Variants in NUBPL observed in about 807,000 individuals in gnomAD.
NUBPL encodes the protein iron-sulfur cluster transfer protein NUBPL.
In NUBPL, 31 loss-of-function variants were observed where a neutral mutation model predicts 45.7. That is an observed-to-expected ratio of 0.68 (90% CI 0.51 to 0.92). The LOEUF (loss-of-function observed/expected upper bound fraction) is 0.92. Among genes scored for constraint, NUBPL ranks in the 40% least tolerant of loss-of-function variants. The probability of loss-of-function intolerance (pLI) is 0.00; values close to 1 mark genes in which losing one functional copy is unlikely to be tolerated. For missense variants in NUBPL, 401 were observed against 398.7 expected, an observed-to-expected ratio of 1.01 and a Z score of -0.05; for synonymous variants, 144 against 140.9, an observed-to-expected ratio of 1.02 and a Z score of -0.15.
chr14:31,815,104 T>C (rs1285777020), intron 7 of NUBPL, among the ~76,000 whole-genome samples: 4 of 152,230 alleles, frequency 2.6e-5, no homozygotes, highest in Non-Finnish European at 5.9e-5. Flanking sequence ...GGGGATAGCA[T>C]TGAATATATA....
chr14:31,724,961 C>CA (rs1312803267), intron 6 of NUBPL, among the ~76,000 whole-genome samples: 3 of 150,842 alleles, frequency 2.0e-5, no homozygotes, highest in Non-Finnish European at 4.4e-5. Context: ...GAAGAACATA[C>CA]AAAATGAAGG....
At chr14:31,561,981 G>A in intron 1 of NUBPL, 87 bp from the exon 2 acceptor site, 1 of 1,369,890 alleles carries the variant, frequency 7.3e-7, no homozygotes. Flanking sequence ...CCTCTTAATT[G>A]CAAACCCCAG....
At chr14:31,825,680 CTT>C (rs1377380050) in intron 7 of NUBPL, among the ~76,000 whole-genome samples, 2 of 132,644 alleles carry the variant, frequency 1.5e-5, no homozygotes, top group East Asian at 2.1e-4. Context: ...CTTTTTTTCT[CTT>C]TCTTTTGTTC....
At chr14:31,582,817 A>G (rs1394243018) in intron 3 of NUBPL, among the ~76,000 whole-genome samples, 1 of 152,230 alleles carries the variant, frequency 6.6e-6, no homozygotes, top group Non-Finnish European at 1.5e-5. Flanking sequence ...TAGAGAAAAA[A>G]GGATTTGGTT....
At chr14:31,824,460 G>A (rs1161077885) in intron 7 of NUBPL, among the ~76,000 whole-genome samples, 2 of 152,040 alleles carry the variant, frequency 1.3e-5, no homozygotes, top group Non-Finnish European at 2.9e-5. Flanking sequence ...AGCTCATATT[G>A]TATAGTTTAA....
intron 6 of NUBPL, among the ~76,000 whole-genome samples, chr14:31,713,016 G>A (rs66761503): frequency 0.031 from 4,772 of 152,282 alleles, 111 homozygotes; most frequent in Non-Finnish European, 0.048. Flanking sequence ...TGAAGGGTCT[G>A]CCATCTCATT....
intron 6 of NUBPL, among the ~76,000 whole-genome samples, chr14:31,781,743 A>C (rs1444523944): frequency 6.6e-6 from 1 of 152,034 alleles, no homozygotes; most frequent in Non-Finnish European, 1.5e-5. Flanking sequence ...TTCACACCCC[A>C]AGTTTCTTTC....
intron 6 of NUBPL, among the ~76,000 whole-genome samples, chr14:31,757,336 T>C (rs2038691108): frequency 6.6e-6 from 1 of 151,388 alleles, no homozygotes; most frequent in Non-Finnish European, 1.5e-5. Context: ...GGTCCTGGAC[T>C]CTTTTTGGTT....
intron 4 of NUBPL, among the ~76,000 whole-genome samples, chr14:31,602,568 A>G (rs1046094062): frequency 1.3e-5 from 2 of 152,124 alleles, no homozygotes; most frequent in African/African-American, 4.8e-5. Flanking sequence ...CCTGGGTTTG[A>G]TTCTCAGCCC....
chr14:31,676,528 C>T (rs984645735), intron 6 of NUBPL, among the ~76,000 whole-genome samples: 1 of 151,602 alleles, frequency 6.6e-6, no homozygotes, highest in Non-Finnish European at 1.5e-5. Flanking sequence ...CTCTATAATA[C>T]TTTTACAGTT....
At chr14:31,704,817 A>G (rs1425957879) in intron 6 of NUBPL, among the ~76,000 whole-genome samples, 1 of 152,144 alleles carries the variant, frequency 6.6e-6, no homozygotes, top group Non-Finnish European at 1.5e-5. Flanking sequence ...TTAACATCCC[A>G]GTGTGTCTGG....
At position 31,826,668 on chromosome 14, in the gene NUBPL, TG is replaced by T; in HGVS notation, c.649del (p.Asp217MetfsTer23). ...IVSTPQDIAL[M>X]DAHKGAEMFR... Reference sequence around the variant, plus strand: ...TCCACGCCCCAGGACATCGCATTGATGGATGCACACAAGGGTGCTGAGATGT... The same window carrying T: ...TCCACGCCCCAGGACATCGCATTGATGATGCACACAAGGGTGCTGAGATGT... On this transcript the variant is annotated frameshift_variant, in exon 8 of 11. Transcript: ENST00000281081. LOFTEE classifies it high-confidence loss of function. 1 of 1,614,170 alleles carries T rather than the reference TG, an allele frequency of 6.2e-7. No individual in the cohort carries two copies. The highest frequency in any genetic ancestry group is 8.5e-7 in the Non-Finnish European group (1 of 1,180,002).
chr14:31,695,339 G>T (rs376973117), intron 6 of NUBPL, among the ~76,000 whole-genome samples: 1 of 127,150 alleles, frequency 7.9e-6, no homozygotes, highest in African/African-American at 2.6e-5. Flanking sequence ...GAGTATTGTA[G>T]TGTTCCTTTT....
intron 4 of NUBPL, among the ~76,000 whole-genome samples, chr14:31,665,172 C>T (rs749096047): frequency 9.2e-5 from 14 of 152,116 alleles, no homozygotes; most frequent in African/African-American, 2.7e-4. Flanking sequence ...TTCAAAAAAA[C>T]CAGCTCCTGG....
intron 4 of NUBPL, among the ~76,000 whole-genome samples, chr14:31,672,842 T>C (rs1221720050): frequency 6.6e-6 from 1 of 152,220 alleles, no homozygotes; most frequent in East Asian, 1.9e-4. Flanking sequence ...AATAGTATGC[T>C]TGGTATAATG....
intron 6 of NUBPL, among the ~76,000 whole-genome samples, chr14:31,761,683 C>G (rs1595595921): frequency 6.6e-6 from 1 of 152,214 alleles, no homozygotes; most frequent in East Asian, 1.9e-4. Context: ...ATAAATATAT[C>G]TCATTCTGTT....
intron 4 of NUBPL, among the ~76,000 whole-genome samples, chr14:31,611,391 CTG>C (rs1286139867): frequency 1.3e-5 from 2 of 152,084 alleles, no homozygotes; most frequent in Non-Finnish European, 2.9e-5. Flanking sequence ...ATAATGAAAA[CTG>C]TAAAACACTG....
chr14:31,764,921 T>C lies in NUBPL; in HGVS notation c.514-22859T>C, dbSNP rs529626245. Among the ~76,000 whole-genome samples, 5 of 152,346 alleles carry C rather than the reference T, an allele frequency of 3.3e-5. No individual in the cohort carries two copies. In the South Asian group the frequency reaches 6.2e-4, roughly 19 times the overall value. ...TTCTTAATCCTATTTCTCACCGATA[T>C]CTTTATCATCTGCTTTGCAATTCTC... On this transcript the variant is annotated intron_variant, in intron 6 of 10. Coordinates refer to ENST00000281081, the MANE Select transcript of NUBPL (RefSeq NM_025152.3).
intron 8 of NUBPL, among the ~76,000 whole-genome samples, chr14:31,840,029 A>G (rs2040343395): frequency 6.6e-6 from 1 of 152,210 alleles, no homozygotes; most frequent in Non-Finnish European, 1.5e-5. Flanking sequence ...ATAGCCATTA[A>G]GGAAAATAGT....
Sources: gnomAD v4.1 joint callset for allele counts (sites outside exome capture counted in the v4.1 genomes callset) on GRCh38, gnomAD v4.1.1 for gene constraint, MANE v1.5 for transcripts, NCBI Gene and HGNC (gene_info 2026-07-23, HGNC 2026-07-21) for gene names.